The following ZNF91 variants were observed in gnomAD, a reference collection of about 807,000 sequenced individuals.
ZNF91 encodes zinc finger protein 91.
ZNF91 carries 7 observed loss-of-function variants against 12.6 expected under a neutral mutation model. That is an observed-to-expected ratio of 0.55 (90% CI 0.31 to 1.04). ZNF91 has a LOEUF of 1.04. Ranked by LOEUF, ZNF91 falls within the 50% of genes least tolerant of loss-of-function variation. The probability of loss-of-function intolerance (pLI) is 0.05; values close to 1 mark genes in which losing one functional copy is unlikely to be tolerated. For missense variants in ZNF91, 1,217 were observed against 1,385.4 expected, an observed-to-expected ratio of 0.88 and a Z score of 1.93; for synonymous variants, 453 against 462.6, an observed-to-expected ratio of 0.98 and a Z score of 0.27.
intron 3 of ZNF91, chr19:23,339,322 T>C (rs1968078557): frequency 6.6e-6 from 1 of 152,096 alleles, no homozygotes; most frequent in Non-Finnish European, 1.5e-5. Flanking sequence ...AGCCAAAAGA[T>C]ATAACAATTC....
intron 1 of ZNF91, chr19:23,325,805 T>G (rs971995487): frequency 6.6e-6 from 1 of 152,258 alleles, no homozygotes; most frequent in Non-Finnish European, 1.5e-5. Flanking sequence ...TGCCTCCAGT[T>G]TCTCTCTACT....
intron 1 of ZNF91, among the ~76,000 whole-genome samples, chr19:23,330,136 G>T (rs992924928): frequency 6.6e-6 from 1 of 152,108 alleles, no homozygotes; most frequent in Non-Finnish European, 1.5e-5. Flanking sequence ...TTCGAGACCA[G>T]CTTTGTCAAC....
intron 1 of ZNF91, among the ~76,000 whole-genome samples, chr19:23,389,279 T>G (rs1479406276): frequency 6.6e-6 from 1 of 152,040 alleles, no homozygotes; most frequent in South Asian, 2.1e-4. Context: ...TGCAGGCAGA[T>G]GAGTTTATAA....
chr19:23,322,802 T>TTCTCCCCCACCTCCTCCTCCAC lies in ZNF91; in HGVS notation n.117-13706_117-13705insGTGGAGGAGGAGGTGGGGGAGA, dbSNP rs1967732044. Among the ~76,000 whole-genome samples, 6 of 37,430 alleles carry TTCTCCCCCACCTCCTCCTCCAC rather than the reference T, an allele frequency of 1.6e-4. 3 individuals carry two copies. Among genetic ancestry groups the TTCTCCCCCACCTCCTCCTCCAC allele is most frequent in the Non-Finnish European group, 2.8e-4 (6 of 21,688 alleles). The allele number at this position is 37,430 out of a possible 152,430, so 24.6% of individuals were successfully genotyped here. Reference sequence around the variant, plus strand: ...CTCTTCTTCCTCACCTCCTCCTCCATTTCTCCCCCACCTCCTCCTCCACTT... The same window carrying TTCTCCCCCACCTCCTCCTCCAC: ...CTCTTCTTCCTCACCTCCTCCTCCATTCTCCCCCACCTCCTCCTCCACTTCTCCCCCACCTCCTCCTCCACTT... On this transcript the variant is annotated intron_variant and non_coding_transcript_variant, in intron 1 of 1. Transcript: ENST00000596528.
At chr19:23,386,460 A>T (rs988192873) in intron 1 of ZNF91, among the ~76,000 whole-genome samples, 3 of 152,214 alleles carry the variant, frequency 2.0e-5, no homozygotes, top group Admixed American at 2.0e-4. Flanking sequence ...ACAGAAACAA[A>T]CTCATAGATG....
At chr19:23,348,741 G>T (rs1968294366) in intron 3 of ZNF91, among the ~76,000 whole-genome samples, 1 of 152,120 alleles carries the variant, frequency 6.6e-6, no homozygotes, top group African/African-American at 2.4e-5. Context: ...CTGCCTTATG[G>T]TTATCTCTAT....
chr19:23,351,516 TTAAAA>T (rs1968366330), intron 3 of ZNF91, among the ~76,000 whole-genome samples: 1 of 152,170 alleles, frequency 6.6e-6, no homozygotes, highest in Non-Finnish European at 1.5e-5. Context: ...GAAAAGGTAG[TTAAAA>T]TAATCTTGTT....
chr19:23,336,473 G>A (rs546115486), downstream of ZNF91, among the ~76,000 whole-genome samples: 18 of 152,308 alleles, frequency 1.2e-4, no homozygotes, highest in Admixed American at 8.5e-4. Context: ...TATGCAAATG[G>A]AGCACTTGCC....
chr19:23,359,633 T>TA lies in ZNF91; in HGVS notation c.3345dup (p.Lys1116Ter), dbSNP rs757040850. 11 of 1,614,100 alleles carry TA rather than the reference T, an allele frequency of 6.8e-6. No individual in the cohort carries two copies. In the South Asian group the frequency reaches 1.1e-4, roughly 16 times the overall value. ...TGTTTAGTAAGAGCTGAGGACTCTTTAAAGGCTTTGCCACATTCTCCACAT... is the reference window on the plus strand; with the variant it reads ...TGTTTAGTAAGAGCTGAGGACTCTTTAAAAGGCTTTGCCACATTCTCCACAT... On this transcript the variant is annotated frameshift_variant, in exon 4 of 4. Coordinates refer to ENST00000300619, the MANE Select transcript of ZNF91 (RefSeq NM_003430.4). LOFTEE classifies it low-confidence loss of function (END_TRUNC).
At position 23,379,623 on chromosome 19, in the gene ZNF91, G is replaced by A. The variant is rs146245008; in HGVS notation, c.31-4859C>T. 5.5e-4 allele frequency among the ~76,000 whole-genome samples: 83 copies of A among 152,286 alleles called. No individual in the cohort carries two copies. The Middle Eastern group carries it at 0.01, about 19-fold the overall frequency. On this transcript the variant is annotated intron_variant, in intron 1 of 3. Transcript: ENST00000300619. ...GGGAGGTCATCCATGTATGCTAATT[G>A]GTTATATTCAATGACAAAATAAGCT...
At chr19:23,308,586 A>T (rs931596999) in intron 2 of ZNF91, 24 of 152,186 alleles carry the variant, frequency 1.6e-4, no homozygotes, top group Non-Finnish European at 4.4e-5. Flanking sequence ...GGTCATTGTG[A>T]CATGTCTCTG....
intron 3 of ZNF91, among the ~76,000 whole-genome samples, chr19:23,369,376 C>A (rs1353007529): frequency 6.6e-6 from 1 of 151,268 alleles, no homozygotes; most frequent in Non-Finnish European, 1.5e-5. Context: ...CCGCCCCGTC[C>A]GGGAGGGAGG....
At chr19:23,322,057 A>T (rs1042521163) in intron 1 of ZNF91, among the ~76,000 whole-genome samples, 3 of 152,190 alleles carry the variant, frequency 2.0e-5, no homozygotes, top group African/African-American at 7.2e-5. Context: ...TCTGATTGTT[A>T]CATATTGCTT....
At chr19:23,385,014 C>A in intron 1 of ZNF91, 1 of 1,218,874 alleles carries the variant, frequency 8.2e-7, no homozygotes, top group Non-Finnish European at 1.2e-6. Flanking sequence ...TGTTGGAGAA[C>A]GGGACAGTCC....
intron 2 of ZNF91, 67 bp downstream of exon 2, chr19:23,374,559 CAAAAAAAAAAAA>C (rs59471254): frequency 1.1e-6 from 1 of 888,124 alleles, no homozygotes; most frequent in African/African-American, 3.0e-5. Flanking sequence ...GACTCTGTCT[CAAAAAAAAAAAA>C]AAAAAAAAAG....
chr19:23,324,623 T>C (rs952885692), intron 1 of ZNF91: 2 of 151,950 alleles, frequency 1.3e-5, no homozygotes, highest in African/African-American at 4.8e-5. Flanking sequence ...ATAATCTTGC[T>C]CTGTCACCTA....
chr19:23,321,833 C>T (rs61371385), intron 1 of ZNF91, among the ~76,000 whole-genome samples: 3,595 of 152,022 alleles, frequency 0.024, 131 homozygotes, highest in African/African-American at 0.081. Flanking sequence ...TCTCCTCACC[C>T]GCCTGGGCCA....
intron 1 of ZNF91, among the ~76,000 whole-genome samples, chr19:23,321,433 A>G (rs1410937072): frequency 6.6e-6 from 1 of 151,582 alleles, no homozygotes; most frequent in African/African-American, 2.4e-5. Context: ...CCAGCCTAAA[A>G]AGGGGATTGT....
chr19:23,360,143 C>T lies in ZNF91; in HGVS notation c.2836G>A (p.Ala946Thr). Residue 946 changes from alanine (A) to threonine (T), a missense_variant, in exon 4 of 4, where the codon GCT (alanine) becomes ACT (threonine). Physicochemically the swap from Ala to Thr is moderately conservative, Grantham distance 58. This residue lies in a region of ZNF91 where 491 missense variants were observed against 489.8 expected (regional missense o/e 1.00). Transcript: ENST00000300619. ...GTAAGGGTTGAGGATTGGCTAAAAG[C>T]TTTGCCACATTCTTCACATTTGTAG... ...KPYKCEECGKAFSQSSTLTTH... is the reference protein window; with the variant it reads ...KPYKCEECGKTFSQSSTLTTH... 6.2e-7 allele frequency: 1 copy of T among 1,613,792 alleles called. No homozygotes were observed. The highest frequency in any genetic ancestry group is 8.5e-7 in the Non-Finnish European group (1 of 1,180,016).
Sources: allele counts gnomAD v4.1 joint callset (sites outside exome capture counted in the v4.1 genomes callset), GRCh38; gene constraint gnomAD v4.1.1; regional missense constraint gnomAD v4.1.1; transcripts MANE v1.5; gene names NCBI Gene and HGNC (gene_info 2026-07-23, HGNC 2026-07-21).